Variants in OPCML observed in about 807,000 individuals in gnomAD.
OPCML encodes opioid-binding protein/cell adhesion molecule.
A neutral mutation model predicts 37.8 loss-of-function variants in OPCML; 13 were observed. That is an observed-to-expected ratio of 0.34 (90% confidence interval 0.22 to 0.55). The LOEUF is 0.55. Among genes scored for constraint, OPCML ranks in the 20% least tolerant of loss-of-function variants. OPCML has a pLI of 0.91. For missense variants in OPCML, 341 were observed against 435.6 expected (o/e 0.78, Z 1.93); for synonymous variants, 176 against 168.8 (o/e 1.04, Z -0.33).
chr11:133,008,792 T>C (rs940449748), intron 1 of OPCML: 2 of 626,200 alleles, frequency 3.2e-6, no homozygotes, highest in East Asian at 1.4e-4. Flanking sequence ...TTCCTGTTCA[T>C]AGGTGTTCTT....
At chr11:132,710,440 G>A (rs879040376) in intron 2 of OPCML, among the ~76,000 whole-genome samples, 2 of 152,166 alleles carry the variant, frequency 1.3e-5, no homozygotes, top group African/African-American at 2.4e-5. Context: ...AAGGAGACAC[G>A]ATGATATGTA....
intron 1 of OPCML, among the ~76,000 whole-genome samples, chr11:133,277,295 G>A (rs772987748): frequency 2.7e-4 from 41 of 151,966 alleles, no homozygotes; most frequent in Admixed American, 2.3e-3. Context: ...TAACAATTTG[G>A]TTTTCGGGGA....
chr11:132,433,167 G>A (rs1209566804), intron 7 of OPCML, among the ~76,000 whole-genome samples: 1 of 152,206 alleles, frequency 6.6e-6, no homozygotes, highest in Non-Finnish European at 1.5e-5. Context: ...CAGTTGAGCA[G>A]TGACTCTGGC....
chr11:132,788,706 A>G (rs1184770987), intron 2 of OPCML, among the ~76,000 whole-genome samples: 2 of 152,248 alleles, frequency 1.3e-5, no homozygotes, highest in Admixed American at 1.3e-4. Flanking sequence ...TTGATGAATT[A>G]TCATCTCAGT....
At chr11:132,534,516 G>C (rs910943910) in intron 3 of OPCML, among the ~76,000 whole-genome samples, 1 of 152,172 alleles carries the variant, frequency 6.6e-6, no homozygotes, top group African/African-American at 2.4e-5. Flanking sequence ...GCTGGAAAAG[G>C]CTTTCCCAAA....
intron 1 of OPCML, among the ~76,000 whole-genome samples, chr11:133,514,203 T>C (rs968869162): frequency 1.3e-5 from 2 of 152,204 alleles, no homozygotes; most frequent in African/African-American, 2.4e-5. Flanking sequence ...GAGGCTTTGA[T>C]GCAATGAGGA....
intron 1 of OPCML, among the ~76,000 whole-genome samples, chr11:133,149,861 G>C (rs73596433): frequency 0.02 from 3,000 of 152,308 alleles, 80 homozygotes; most frequent in African/African-American, 0.069. Flanking sequence ...GGAGATAAAA[G>C]TAGAGCCTGC....
intron 1 of OPCML, among the ~76,000 whole-genome samples, chr11:133,222,209 G>T (rs1461573522): frequency 2.0e-5 from 3 of 152,194 alleles, no homozygotes; most frequent in African/African-American, 7.2e-5. Flanking sequence ...AGATGACCAG[G>T]TCACCATGTG....
chr11:133,359,221 G>T (rs1395704643), intron 1 of OPCML, among the ~76,000 whole-genome samples: 1 of 152,122 alleles, frequency 6.6e-6, no homozygotes, highest in African/African-American at 2.4e-5. Flanking sequence ...AGGCTTTTGG[G>T]TTTCTCACCC....
intron 1 of OPCML, among the ~76,000 whole-genome samples, chr11:133,349,340 T>G (rs548284897): frequency 5.4e-4 from 83 of 152,380 alleles, no homozygotes; most frequent in African/African-American, 2.0e-3. Flanking sequence ...GTTTAACTTT[T>G]TAAGTGCTAG....
At chr11:133,421,004 T>G (rs539242186) in intron 1 of OPCML, 1 of 985,330 alleles carries the variant, frequency 1.0e-6, no homozygotes, top group Non-Finnish European at 1.2e-6. Flanking sequence ...GAGCCTAGAA[T>G]TAAACTAAAA....
At chr11:133,060,587 C>G (rs1025683007) in intron 1 of OPCML, among the ~76,000 whole-genome samples, 2 of 152,210 alleles carry the variant, frequency 1.3e-5, no homozygotes, top group Non-Finnish European at 2.9e-5. Flanking sequence ...GCCACCAGGC[C>G]TTGGCTCCCC....
chr11:133,516,887 T>G (rs1015008107), intron 1 of OPCML, among the ~76,000 whole-genome samples: 2 of 152,202 alleles, frequency 1.3e-5, no homozygotes, highest in African/African-American at 4.8e-5. Flanking sequence ...CACTGATGTG[T>G]TACTCATTTT....
chr11:132,551,652 C>T (rs1348084526), intron 3 of OPCML, among the ~76,000 whole-genome samples: 2 of 152,020 alleles, frequency 1.3e-5, no homozygotes, highest in African/African-American at 4.8e-5. Flanking sequence ...ATCTTGTAGC[C>T]CCTCCACCCA....
At chr11:133,140,621 A>AGAGGAAGAG (rs1198153979) in intron 1 of OPCML, among the ~76,000 whole-genome samples, 15 of 148,100 alleles carry the variant, frequency 1.0e-4, no homozygotes, top group African/African-American at 2.7e-4. Context: ...AAGAAGAGGA[A>AGAGGAAGAG]GAGGAAGAGG....
rs558784665 is a variant in OPCML at position 132,751,722 on chromosome 11, G to A, written c.147-94403C>T. On this transcript the variant is annotated intron_variant, in intron 2 of 7. Coordinates refer to ENST00000524381, the MANE Select transcript of OPCML (RefSeq NM_001012393.5). ...CAGAACTGGAATTTAACCAAGTTCC[G>A]TCGGCATCCAAAGCCCTATGCTCAT... Among the ~76,000 whole-genome samples the A allele has an allele frequency of 2.0e-5, 3 of 152,286 alleles. No homozygotes were observed. The South Asian group carries it at 6.2e-4, about 32-fold the overall frequency.
intron 2 of OPCML, among the ~76,000 whole-genome samples, chr11:132,728,465 C>T (rs1944964162): frequency 6.6e-6 from 1 of 152,286 alleles, no homozygotes; most frequent in South Asian, 2.1e-4. Flanking sequence ...CAGAAGATAA[C>T]ATACAATAAT....
At chr11:132,984,906 C>T (rs1565382160) in intron 1 of OPCML, among the ~76,000 whole-genome samples, 1 of 152,166 alleles carries the variant, frequency 6.6e-6, no homozygotes, top group Non-Finnish European at 1.5e-5. Context: ...CCATGATTAA[C>T]AAATTCGCTC....
At chr11:133,234,325 G>T (rs2136394561) in intron 1 of OPCML, among the ~76,000 whole-genome samples, 1 of 152,058 alleles carries the variant, frequency 6.6e-6, no homozygotes, top group African/African-American at 2.4e-5. Context: ...CTCTGGAAAT[G>T]GCCCTAAAAC....
Sources: allele counts gnomAD v4.1 joint callset (sites outside exome capture counted in the v4.1 genomes callset), GRCh38; gene constraint gnomAD v4.1.1; transcripts MANE v1.5; gene names NCBI Gene and HGNC (gene_info 2026-07-23, HGNC 2026-07-21).